SLC25A25: variants seen among roughly 807,000 people sequenced by gnomAD.
SLC25A25 encodes solute carrier family 25 member 25.
A neutral mutation model predicts 57.7 loss-of-function variants in SLC25A25; 32 were observed. That is an observed-to-expected ratio of 0.55 (90% confidence interval 0.42 to 0.74). The LOEUF (loss-of-function observed/expected upper bound fraction) is 0.74, where lower values mean the gene tolerates loss of function less well. Ranked by LOEUF, SLC25A25 falls within the 30% of genes least tolerant of loss-of-function variation. SLC25A25 has a pLI of 0.00. For missense variants in SLC25A25, 556 were observed against 701.3 expected (o/e 0.79, Z 2.34); for synonymous variants, 306 against 291.2 (o/e 1.05, Z -0.52).
At chr9:128,074,457 C>CTGTAATCT (rs1564177084) in intron 1 of SLC25A25, among the ~76,000 whole-genome samples, 1 of 151,668 alleles carries the variant, frequency 6.6e-6, no homozygotes, top group African/African-American at 2.4e-5. Flanking sequence ...GCCTGTAATC[C>CTGTAATCT]CAGCACTTTG....
At chr9:128,074,457 C>G (rs7852597) in intron 1 of SLC25A25, among the ~76,000 whole-genome samples, 1 of 151,668 alleles carries the variant, frequency 6.6e-6, no homozygotes, top group African/African-American at 2.4e-5. Flanking sequence ...GCCTGTAATC[C>G]CAGCACTTTG....
At chr9:128,083,761 G>T (rs897503512) in intron 1 of SLC25A25, among the ~76,000 whole-genome samples, 1 of 150,330 alleles carries the variant, frequency 6.7e-6, no homozygotes, top group South Asian at 2.1e-4. Flanking sequence ...CTTATGATCC[G>T]CCCGCCTCGG....
At chr9:128,089,069 A>AT (rs370375568) in intron 1 of SLC25A25, among the ~76,000 whole-genome samples, 3 of 151,782 alleles carry the variant, frequency 2.0e-5, no homozygotes, top group Admixed American at 6.6e-5. Context: ...CTAATTTTTG[A>AT]TTTTTTTGTA....
chr9:128,101,530 C>A lies in SLC25A25; in HGVS notation c.476+134C>A, dbSNP rs1427556863. ...GTGGTTTGAAAGGATGAATAAGTAA[C>A]CCCTGTGGGAGGCCAGCCCCTCCCC... On this transcript the variant is annotated intron_variant, in intron 3 of 10. Coordinates refer to ENST00000373069, the MANE Select transcript of SLC25A25 (RefSeq NM_001330988.2). The surrounding 1 kb of genome is among the most constrained non-coding windows in gnomAD (Gnocchi z 4.9). 8.4e-6 allele frequency: 8 copies of A among 953,564 alleles called. No homozygotes were observed. The highest frequency in any genetic ancestry group is 1.7e-5 in the South Asian group (1 of 60,404). The allele number at this position is 953,564 out of a possible 1,614,324, so 59.1% of individuals were successfully genotyped here. A position where few individuals can be genotyped will look rare whatever the true frequency, so the allele number is the denominator to read the frequency against.
chr9:128,073,503 A>C lies in SLC25A25; in HGVS notation c.261+4923A>C, dbSNP rs145697961. ...CAGACTGTTGAACTCTATACTTTTT[A>C]AATGTTTGGCCATTTGTGGATGTTT... On this transcript the variant is annotated intron_variant, in intron 1 of 10. Transcript: ENST00000373069. 1.8e-3 allele frequency among the ~76,000 whole-genome samples: 280 copies of C among 152,262 alleles called. 1 individual carries two copies. Among genetic ancestry groups the C allele is most frequent in the Middle Eastern group, 6.8e-3 (2 of 294 alleles).
Position 128,107,150 on chromosome 9 carries a change from C to G in SLC25A25, c.1334C>G (p.Ala445Gly). ...TCGQLASYPLALVRTRMQAQA... is the reference protein window; with the variant it reads ...TCGQLASYPLGLVRTRMQAQA... ...GGCCAGCTGGCCAGCTACCCCCTGG[C>G]CCTAGTCAGGACCCGGATGCAGGCG... The change falls in exon 10 of 11, where the codon GCC becomes GGC. Residue 445 changes from alanine to glycine, a missense_variant. Coordinates refer to ENST00000373069, the MANE Select transcript of SLC25A25 (RefSeq NM_001330988.2). 3 of 1,613,934 alleles carry G rather than the reference C, an allele frequency of 1.9e-6. No individual in the cohort carries two copies. The South Asian group carries it at 3.3e-5, about 18-fold the overall frequency.
chr9:128,068,586 C>T lies in SLC25A25; in HGVS notation c.261+6C>T. ...GCACCGAGGGCGAGCTCCAGGTAGGCTGCGCGCGTCCTCAGCACTGGCGGG... is the reference window on the plus strand; with the variant it reads ...GCACCGAGGGCGAGCTCCAGGTAGGTTGCGCGCGTCCTCAGCACTGGCGGG... On this transcript the variant is annotated splice_donor_region_variant and intron_variant, in intron 1 of 10. Transcript: ENST00000373069. The T allele has an allele frequency of 7.1e-7, 1 of 1,413,230 alleles. No individual in the cohort carries two copies. Among genetic ancestry groups the T allele is most frequent in the Non-Finnish European group, 9.2e-7 (1 of 1,086,586 alleles). 87.5% of individuals were successfully genotyped at this position (1,413,230 alleles called of 1,614,324 possible).
intron 1 of SLC25A25, among the ~76,000 whole-genome samples, chr9:128,081,953 CA>C (rs1458647856): frequency 6.6e-6 from 1 of 152,136 alleles, no homozygotes; most frequent in Non-Finnish European, 1.5e-5. Flanking sequence ...TATTTCCAAG[CA>C]GACCCTTGCT....
At chr9:128,092,216 T>A in intron 1 of SLC25A25, 1 of 1,243,310 alleles carries the variant, frequency 8.0e-7, no homozygotes, top group Non-Finnish European at 1.1e-6. Flanking sequence ...GGAGAAGTGG[T>A]AGGCAATGAG....
Position 128,106,471 on chromosome 9 carries a change from A to G in SLC25A25, c.1163A>G (p.Asn388Ser). Residue 388 changes from asparagine to serine, a missense_variant, in exon 9 of 11, where the codon AAC becomes AGC. This residue lies in a region of SLC25A25 where 294 missense variants were observed against 389.6 expected (regional missense o/e 0.75). Coordinates refer to ENST00000373069, the MANE Select transcript of SLC25A25 (RefSeq NM_001330988.2). ...GCCTTCTACAAAGGCTATGTCCCCA[A>G]CATGCTGGGCATCATCCCCTATGCC... ...VAAFYKGYVP[N>S]MLGIIPYAGI... is the part of the protein sequence containing the mutation. The G allele has an allele frequency of 6.2e-7, 1 of 1,612,746 alleles. No homozygotes were observed. Among genetic ancestry groups the G allele is most frequent in the Non-Finnish European group, 8.5e-7 (1 of 1,179,906 alleles).
chr9:128,101,265 C>T lies in SLC25A25; in HGVS notation c.388+43C>T, dbSNP rs747053476. On this transcript the variant is annotated intron_variant, in intron 2 of 10. Transcript: ENST00000373069. The surrounding 1 kb of genome is among the most constrained non-coding windows in gnomAD (Gnocchi z 4.9). Reference sequence around the variant, plus strand: ...AGCTGTGGCCGGTCCAGCCTCGGGCCTCCCCGTGCGCCTGGCTCCTGCTCA... The same window carrying T: ...AGCTGTGGCCGGTCCAGCCTCGGGCTTCCCCGTGCGCCTGGCTCCTGCTCA... 1.6e-5 allele frequency: 26 copies of T among 1,614,038 alleles called. No individual in the cohort carries two copies. Among genetic ancestry groups the T allele is most frequent in the Non-Finnish European group, 2.2e-5 (26 of 1,180,038 alleles).
intron 1 of SLC25A25, among the ~76,000 whole-genome samples, chr9:128,074,960 A>AC (rs754899671): frequency 6.6e-6 from 1 of 151,974 alleles, no homozygotes; most frequent in Admixed American, 6.6e-5. Context: ...ACATAGTGAA[A>AC]CCCCGTCTCT....
chr9:128,093,414 A>G (rs1223341007), intron 1 of SLC25A25, among the ~76,000 whole-genome samples: 2 of 152,058 alleles, frequency 1.3e-5, no homozygotes, highest in Non-Finnish European at 2.9e-5. Context: ...AAAATCACCT[A>G]TTTTTGTCTT....
chr9:128,105,258 C>T lies in SLC25A25; in HGVS notation c.784-471C>T, dbSNP rs911772384. On this transcript the variant is annotated intron_variant, in intron 6 of 10. Transcript: ENST00000373069. ...CGATCTTGGCTCACTGCAACCTCCA[C>T]CTCCCGGATTCAAGCGATTCTCCTG... Among the ~76,000 whole-genome samples, 11 of 150,620 alleles carry T rather than the reference C, an allele frequency of 7.3e-5. No homozygotes were observed. In the East Asian group the frequency reaches 2.2e-3, roughly 30 times the overall value.
At chr9:128,098,016 A>ACCCCTCAGCCTC (rs1833616082) in intron 1 of SLC25A25, among the ~76,000 whole-genome samples, 1 of 151,990 alleles carries the variant, frequency 6.6e-6, no homozygotes, top group Admixed American at 6.6e-5. Flanking sequence ...GCTCTCGGCC[A>ACCCCTCAGCCTC]CCCCTCAGCC....
At chr9:128,098,673 T>G in intron 1 of SLC25A25, 1 of 1,614,086 alleles carries the variant, frequency 6.2e-7, no homozygotes, top group Non-Finnish European at 8.5e-7. Context: ...ATTTTCAAGC[T>G]CAGTGTCTTC....
Position 128,093,467 on chromosome 9 carries a change from C to G in SLC25A25, c.262-7629C>G, listed in dbSNP as rs905093352. Among the ~76,000 whole-genome samples, 5 of 152,198 alleles carry G rather than the reference C, an allele frequency of 3.3e-5. No individual in the cohort carries two copies. In the South Asian group the frequency reaches 1.0e-3, roughly 31 times the overall value. Reference sequence around the variant, plus strand: ...ATTTTTCAGCATCATACAGTACCCCCTTGCCAGCTCTCCCCCCAGGGACTG... The same window carrying G: ...ATTTTTCAGCATCATACAGTACCCCGTTGCCAGCTCTCCCCCCAGGGACTG... On this transcript the variant is annotated intron_variant, in intron 1 of 10. Transcript: ENST00000373069.
intron 1 of SLC25A25, among the ~76,000 whole-genome samples, chr9:128,070,853 G>A (rs1832890407): frequency 6.6e-6 from 1 of 151,492 alleles, no homozygotes; most frequent in African/African-American, 2.4e-5. Flanking sequence ...GGGAGGCTGA[G>A]GCAGGAGAAT....
At position 128,103,568 on chromosome 9, in the gene SLC25A25, CTCCCTGTCCTGTGG is replaced by C; in HGVS notation, c.625-106_625-93del. The C allele has an allele frequency of 7.3e-7, 1 of 1,363,986 alleles. No individual in the cohort carries two copies. The allele number at this position is 1,363,986 out of a possible 1,614,324, so 84.5% of individuals were successfully genotyped here. On this transcript the variant is annotated intron_variant, in intron 5 of 10. Coordinates refer to ENST00000373069, the MANE Select transcript of SLC25A25 (RefSeq NM_001330988.2). This position sits in a 1 kb window ranked among gnomAD's most constrained non-coding sequence, Gnocchi z 6.7. ...CTTCCCACCCAGAGTCCTTGGCCTT[CTCCCTGTCCTGTGG>C]TCCCTGGCCTGGAGCCGTGCTAGAG...
Sources: gnomAD v4.1 joint callset for allele counts (sites outside exome capture counted in the v4.1 genomes callset) on GRCh38, gnomAD v4.1.1 for gene constraint, gnomAD v4.1.1 regional missense constraint, Gnocchi (gnomAD v3.1) non-coding constraint, MANE v1.5 for transcripts, NCBI Gene and HGNC (gene_info 2026-07-23, HGNC 2026-07-21) for gene names.